Variants in SLC24A3 observed in about 807,000 individuals in gnomAD.
The protein encoded by SLC24A3 is sodium/potassium/calcium exchanger 3.
SLC24A3 carries 28 observed loss-of-function variants against 75.8 expected under a neutral mutation model. That is an observed-to-expected ratio of 0.37 (90% CI 0.27 to 0.51). SLC24A3 has a LOEUF of 0.51. Among genes scored for constraint, SLC24A3 ranks in the 20% least tolerant of loss-of-function variants. The pLI, the probability that SLC24A3 is intolerant of heterozygous loss-of-function variation, is 0.94. For synonymous variants in SLC24A3, 372 were observed against 334.1 expected (o/e 1.11, Z -1.24); for missense variants, 663 against 847.8 (o/e 0.78, Z 2.71).
At chr20:19,357,486 T>C (rs1434560013) in intron 2 of SLC24A3, among the ~76,000 whole-genome samples, 2 of 152,246 alleles carry the variant, frequency 1.3e-5, no homozygotes, top group African/African-American at 2.4e-5. Flanking sequence ...TTTTTTCTTA[T>C]TAACTGTAAG....
rs372461815 is a variant in SLC24A3 at position 19,553,950 on chromosome 20, C to G, written c.349-26050C>G. Among the ~76,000 whole-genome samples the G allele has an allele frequency of 4.6e-4, 70 of 152,164 alleles. No individual in the cohort carries two copies. The Middle Eastern group carries it at 0.01, about 22-fold the overall frequency. On this transcript the variant is annotated intron_variant, in intron 3 of 16. Coordinates refer to ENST00000328041, the MANE Select transcript of SLC24A3 (RefSeq NM_020689.4). ...CAGGAGGGCAGTAGGCAGAGTTTGTCAAAAGGAGGAAAACGATTCAGAAAA... is the reference window on the plus strand; with the variant it reads ...CAGGAGGGCAGTAGGCAGAGTTTGTGAAAAGGAGGAAAACGATTCAGAAAA...
chr20:19,355,708 T>G (rs74857014), intron 2 of SLC24A3, among the ~76,000 whole-genome samples: 2,513 of 152,338 alleles, frequency 0.016, 66 homozygotes, highest in African/African-American at 0.058. Context: ...GGTGAAGGAA[T>G]GTATATGCTT....
chr20:19,342,809 G>A (rs758015173), intron 2 of SLC24A3, among the ~76,000 whole-genome samples: 5 of 152,162 alleles, frequency 3.3e-5, no homozygotes, highest in Non-Finnish European at 7.3e-5. Context: ...GGTGGCCCAC[G>A]CCTGTAATCC....
chr20:19,589,843 T>C lies in SLC24A3; in HGVS notation c.612+4299T>C, dbSNP rs575501592. 6.6e-4 allele frequency among the ~76,000 whole-genome samples: 101 copies of C among 152,248 alleles called. 1 individual carries two copies. Among genetic ancestry groups the C allele is most frequent in the Admixed American group, 4.3e-3 (66 of 15,284 alleles). On this transcript the variant is annotated intron_variant, in intron 6 of 16. Transcript: ENST00000328041. ...AGGCAAGGAAATGGATACTGGGGGA[T>C]TCAGTATTCCCCAGATGGCAAAGAG...
intron 2 of SLC24A3, among the ~76,000 whole-genome samples, chr20:19,314,004 A>G (rs1359244118): frequency 6.6e-6 from 1 of 152,202 alleles, no homozygotes; most frequent in Non-Finnish European, 1.5e-5. Context: ...GGAAAGGAAA[A>G]TTCATGCTGT....
At position 19,721,351 on chromosome 20, in the gene SLC24A3, C is replaced by A; in HGVS notation, c.*211C>A. On this transcript the variant is annotated 3_prime_UTR_variant, in exon 17 of 17. Coordinates refer to ENST00000328041, the MANE Select transcript of SLC24A3 (RefSeq NM_020689.4). ...GGTCATGCCCACCCACCCTTTCCTGCCTCCTCCGTGTGAAGACATCCAACA... is the reference window on the plus strand; with the variant it reads ...GGTCATGCCCACCCACCCTTTCCTGACTCCTCCGTGTGAAGACATCCAACA... 1.9e-6 allele frequency: 1 copy of A among 533,584 alleles called. No individual in the cohort carries two copies. Among genetic ancestry groups the A allele is most frequent in the Non-Finnish European group, 3.3e-6 (1 of 306,686 alleles). 33.1% of individuals were successfully genotyped at this position (533,584 alleles called of 1,614,324 possible).
chr20:19,612,850 C>T (rs567340559), intron 6 of SLC24A3, among the ~76,000 whole-genome samples: 14 of 152,322 alleles, frequency 9.2e-5, no homozygotes, highest in Non-Finnish European at 1.9e-4. Context: ...AGTAGAGCCA[C>T]TCCACTTACA....
At chr20:19,626,196 T>C (rs1387170077) in intron 6 of SLC24A3, among the ~76,000 whole-genome samples, 1 of 152,204 alleles carries the variant, frequency 6.6e-6, no homozygotes, top group Non-Finnish European at 1.5e-5. Context: ...CCAAGCTCTA[T>C]AGTAAGACTT....
intron 2 of SLC24A3, among the ~76,000 whole-genome samples, chr20:19,316,021 TA>T (rs757427092): frequency 3.3e-5 from 5 of 152,218 alleles, no homozygotes; most frequent in East Asian, 3.9e-4. Flanking sequence ...ATCTGTTGAG[TA>T]CAATGTACTG....
chr20:19,483,178 C>T (rs1044415876), intron 2 of SLC24A3, among the ~76,000 whole-genome samples: 1 of 152,194 alleles, frequency 6.6e-6, no homozygotes, highest in African/African-American at 2.4e-5. Flanking sequence ...CAAACTGTCC[C>T]ACTGACCATG....
At chr20:19,341,017 A>G (rs1985260419) in intron 2 of SLC24A3, among the ~76,000 whole-genome samples, 1 of 152,194 alleles carries the variant, frequency 6.6e-6, no homozygotes, top group South Asian at 2.1e-4. Context: ...ATTTGCTTGC[A>G]TGTAAGCTCT....
intron 2 of SLC24A3, among the ~76,000 whole-genome samples, chr20:19,504,923 A>T (rs1988441159): frequency 6.6e-6 from 1 of 152,230 alleles, no homozygotes; most frequent in African/African-American, 2.4e-5. Flanking sequence ...GTGGCCTGGG[A>T]AAACTACATT....
intron 6 of SLC24A3, among the ~76,000 whole-genome samples, chr20:19,628,202 C>CAA (rs776701707): frequency 0.089 from 4,579 of 51,636 alleles, 186 homozygotes; most frequent in Non-Finnish European, 0.13. Context: ...GACTCCATCT[C>CAA]AAAAAAAAAA....
chr20:19,217,055 T>C (rs1295151145), intron 1 of SLC24A3, among the ~76,000 whole-genome samples: 2 of 152,234 alleles, frequency 1.3e-5, no homozygotes, highest in Non-Finnish European at 2.9e-5. Flanking sequence ...GATCTCTTTA[T>C]GTGGCTCACT....
chr20:19,524,671 C>A (rs1412094253), intron 3 of SLC24A3, among the ~76,000 whole-genome samples: 2 of 152,104 alleles, frequency 1.3e-5, no homozygotes, highest in Non-Finnish European at 2.9e-5. Context: ...CATGTATTTC[C>A]TTTTTATTTA....
intron 7 of SLC24A3, among the ~76,000 whole-genome samples, chr20:19,660,545 A>G (rs1385399896): frequency 1.3e-5 from 2 of 152,174 alleles, no homozygotes; most frequent in Non-Finnish European, 2.9e-5. Context: ...TAGCTGATGA[A>G]TACTCAGGTT....
intron 2 of SLC24A3, among the ~76,000 whole-genome samples, chr20:19,450,986 C>T (rs895646368): frequency 5.3e-5 from 8 of 151,938 alleles, no homozygotes; most frequent in Admixed American, 4.6e-4. Context: ...GGTGACAGAG[C>T]GAGACTCTGT....
Position 19,445,929 on chromosome 20 carries a change from A to G in SLC24A3, c.272-69559A>G, listed in dbSNP as rs113695914. On this transcript the variant is annotated intron_variant, in intron 2 of 16. Coordinates refer to ENST00000328041, the MANE Select transcript of SLC24A3 (RefSeq NM_020689.4). ...TAAAAGAATAAAAAGTAAGAGCACTATCCTTACTGACTACATGCTGTGTAC... is the reference window on the plus strand; with the variant it reads ...TAAAAGAATAAAAAGTAAGAGCACTGTCCTTACTGACTACATGCTGTGTAC... Among the ~76,000 whole-genome samples the G allele has an allele frequency of 6.0e-3, 915 of 152,324 alleles. 11 individuals carry two copies. The highest frequency in any genetic ancestry group is 0.021 in the African/African-American group (879 of 41,560).
At chr20:19,643,901 T>C (rs1477338159) in intron 6 of SLC24A3, among the ~76,000 whole-genome samples, 1 of 152,242 alleles carries the variant, frequency 6.6e-6, no homozygotes, top group Non-Finnish European at 1.5e-5. Context: ...ATTTGCTCCC[T>C]ACATAGCTCT....
Sources: gnomAD v4.1 joint callset for allele counts (sites outside exome capture counted in the v4.1 genomes callset) on GRCh38, gnomAD v4.1.1 for gene constraint, MANE v1.5 for transcripts, NCBI Gene and HGNC (gene_info 2026-07-23, HGNC 2026-07-21) for gene names.